Variants in RIT2 observed in about 807,000 individuals in gnomAD.
The protein encoded by RIT2 is Ras like without CAAX 2.
Under a neutral mutation model 23.7 loss-of-function variants are expected in RIT2, and 24 were observed. The ratio of observed to expected loss-of-function variants is 1.01; its 90% CI spans 0.73 to 1.43. The LOEUF (loss-of-function observed/expected upper bound fraction) is 1.43, where lower values mean the gene tolerates loss of function less well. Ranked by LOEUF, RIT2 falls within the 40% of genes most tolerant of loss-of-function variation. The pLI is 0.00. For missense variants in RIT2, 236 were observed against 266.9 expected (o/e 0.88, Z 0.81); for synonymous variants, 107 against 91.1 (o/e 1.17, Z -0.99).
At chr18:43,099,000 T>C (rs1913620317) in intron 1 of RIT2, among the ~76,000 whole-genome samples, 1 of 152,074 alleles carries the variant, frequency 6.6e-6, no homozygotes, top group African/African-American at 2.4e-5. Context: ...GCTGTTGGCA[T>C]ATGATTTTAA....
At chr18:42,877,309 T>C (rs1907768366) in intron 4 of RIT2, among the ~76,000 whole-genome samples, 1 of 151,780 alleles carries the variant, frequency 6.6e-6, no homozygotes, top group Non-Finnish European at 1.5e-5. Flanking sequence ...GAGATCTTTG[T>C]TATTTTCAGG....
chr18:42,859,992 T>C (rs910722767), intron 4 of RIT2, among the ~76,000 whole-genome samples: 7 of 152,102 alleles, frequency 4.6e-5, no homozygotes, highest in African/African-American at 1.7e-4. Context: ...AAAAAAAAAT[T>C]AGAAAGCCTC....
chr18:42,872,191 A>G lies in RIT2; in HGVS notation c.426+51381T>C, dbSNP rs184181565. ...TTATTTTAATTACAAGTGACAGGAAACCCTCTCAAACTGGCTAGGCCATTG... is the reference window on the plus strand; with the variant it reads ...TTATTTTAATTACAAGTGACAGGAAGCCCTCTCAAACTGGCTAGGCCATTG... On this transcript the variant is annotated intron_variant, in intron 4 of 4. Transcript: ENST00000326695. Among the ~76,000 whole-genome samples, 19 of 152,266 alleles carry G rather than the reference A, an allele frequency of 1.2e-4. No individual in the cohort carries two copies. In the East Asian group the frequency reaches 3.7e-3, roughly 29 times the overall value.
intron 4 of RIT2, among the ~76,000 whole-genome samples, chr18:42,912,210 G>T (rs1018602076): frequency 1.3e-5 from 2 of 149,866 alleles, no homozygotes; most frequent in African/African-American, 5.0e-5. Context: ...TACAGAAAAA[G>T]TATATTAAAT....
intron 4 of RIT2, among the ~76,000 whole-genome samples, chr18:42,800,995 C>G (rs1444404607): frequency 1.3e-5 from 2 of 152,036 alleles, no homozygotes. Context: ...TTCCGTAGCA[C>G]CAATTTTTTT....
At chr18:43,024,370 C>T (rs774531748) in intron 2 of RIT2, among the ~76,000 whole-genome samples, 8 of 152,030 alleles carry the variant, frequency 5.3e-5, no homozygotes, top group African/African-American at 1.2e-4. Context: ...AATAATGAAA[C>T]TGGACCCCTA....
At chr18:42,900,620 C>T (rs1451907953) in intron 4 of RIT2, among the ~76,000 whole-genome samples, 3 of 152,016 alleles carry the variant, frequency 2.0e-5, no homozygotes, top group Admixed American at 2.0e-4. Context: ...TCTTCTAATA[C>T]AGGCTTCCTT....
intron 1 of RIT2, among the ~76,000 whole-genome samples, chr18:43,070,355 A>G (rs1453647390): frequency 6.6e-6 from 1 of 152,198 alleles, no homozygotes; most frequent in African/African-American, 2.4e-5. Flanking sequence ...GAAATATTTC[A>G]GGAGACAAAA....
At chr18:42,911,295 A>G (rs570268819) in intron 4 of RIT2, among the ~76,000 whole-genome samples, 1 of 152,210 alleles carries the variant, frequency 6.6e-6, no homozygotes, top group East Asian at 1.9e-4. Flanking sequence ...AATTCAAAAC[A>G]AGCTGAAGAA....
At chr18:42,839,124 G>T (rs184703255) in intron 4 of RIT2, among the ~76,000 whole-genome samples, 25 of 152,218 alleles carry the variant, frequency 1.6e-4, no homozygotes, top group African/African-American at 5.8e-4. Flanking sequence ...AATGAGAAGA[G>T]CAAAATCCCC....
At chr18:42,973,337 T>C (rs1910404892) in intron 3 of RIT2, among the ~76,000 whole-genome samples, 1 of 151,838 alleles carries the variant, frequency 6.6e-6, no homozygotes. Flanking sequence ...TAACAACTTT[T>C]TTTATTCTTC....
chr18:43,101,314 C>T (rs1913678977), intron 1 of RIT2, among the ~76,000 whole-genome samples: 1 of 152,116 alleles, frequency 6.6e-6, no homozygotes, highest in Non-Finnish European at 1.5e-5. Context: ...AATTCTTACT[C>T]TCATTATGCC....
intron 4 of RIT2, among the ~76,000 whole-genome samples, chr18:42,871,719 G>A (rs746421563): frequency 6.6e-6 from 1 of 152,332 alleles, no homozygotes; most frequent in South Asian, 2.1e-4. Context: ...GTGTAGAAGG[G>A]TAGAAGCTGC....
chr18:42,793,495 T>C (rs1914088055), intron 4 of RIT2, among the ~76,000 whole-genome samples: 1 of 152,304 alleles, frequency 6.6e-6, no homozygotes, highest in South Asian at 2.1e-4. Flanking sequence ...TCTTTGTTCT[T>C]GTTTAAGGAA....
At chr18:42,922,852 T>C (rs1188654676) in intron 4 of RIT2, among the ~76,000 whole-genome samples, 1 of 152,134 alleles carries the variant, frequency 6.6e-6, no homozygotes, top group Non-Finnish European at 1.5e-5. Flanking sequence ...AGGAAATGGA[T>C]GGTATATAAG....
At chr18:42,895,799 T>C (rs1045863881) in intron 4 of RIT2, among the ~76,000 whole-genome samples, 1 of 152,190 alleles carries the variant, frequency 6.6e-6, no homozygotes, top group African/African-American at 2.4e-5. Flanking sequence ...TCAGTCACAA[T>C]GCAGAGTGGA....
At chr18:42,776,802 G>A (rs1431381290) in intron 4 of RIT2, among the ~76,000 whole-genome samples, 4 of 152,068 alleles carry the variant, frequency 2.6e-5, no homozygotes, top group Non-Finnish European at 4.4e-5. Context: ...TAATTCACAT[G>A]CAGGAGATTC....
chr18:43,021,544 T>C (rs1175859281), intron 2 of RIT2, among the ~76,000 whole-genome samples: 1 of 152,048 alleles, frequency 6.6e-6, no homozygotes, highest in Non-Finnish European at 1.5e-5. Flanking sequence ...GGTGATTTGA[T>C]CATGGGGGTG....
At chr18:42,916,155 G>T (rs938872405) in intron 4 of RIT2, among the ~76,000 whole-genome samples, 4 of 152,028 alleles carry the variant, frequency 2.6e-5, no homozygotes, top group Admixed American at 1.3e-4. Context: ...CAGAGTTTCT[G>T]ATTTACCAGA....
Sources: gnomAD v4.1 joint callset for allele counts (sites outside exome capture counted in the v4.1 genomes callset) on GRCh38, gnomAD v4.1.1 for gene constraint, MANE v1.5 for transcripts, NCBI Gene and HGNC (gene_info 2026-07-23, HGNC 2026-07-21) for gene names.